Variants in FMN1 observed in about 807,000 individuals in gnomAD.
FMN1 encodes formin-1.
In FMN1, 110 loss-of-function variants were observed where a neutral mutation model predicts 132.4. The ratio of observed to expected loss-of-function variants is 0.83; its 90% CI spans 0.71 to 0.97. The LOEUF (loss-of-function observed/expected upper bound fraction) is 0.97, where lower values mean the gene tolerates loss of function less well. Ranked by LOEUF, FMN1 falls within the 50% of genes least tolerant of loss-of-function variation. FMN1 has a pLI of 0.00. For synonymous variants in FMN1, 722 were observed against 651.7 expected, an observed-to-expected ratio of 1.11 and a Z score of -1.64; for missense variants, 1,792 against 1,705.3, an observed-to-expected ratio of 1.05 and a Z score of -0.90.
intron 7 of FMN1, among the ~76,000 whole-genome samples, chr15:32,994,212 CCTCTCTCT>C (rs771176022): frequency 6.8e-6 from 1 of 146,504 alleles, no homozygotes; most frequent in South Asian, 2.2e-4. Flanking sequence ...AGAACTCATT[CCTCTCTCT>C]CTCTCTCTCT....
chr15:32,946,014 A>G (rs2061502777), intron 9 of FMN1, among the ~76,000 whole-genome samples: 2 of 152,222 alleles, frequency 1.3e-5, no homozygotes, highest in East Asian at 1.9e-4. Context: ...TGTAAGTGCC[A>G]TATTGCTTCC....
chr15:32,978,475 T>G (rs2032389409), intron 7 of FMN1, among the ~76,000 whole-genome samples: 1 of 152,196 alleles, frequency 6.6e-6, no homozygotes, highest in Non-Finnish European at 1.5e-5. Flanking sequence ...CAAAAAGTAG[T>G]TCTAAACCCA....
At chr15:32,960,407 G>C (rs1258364080) in intron 9 of FMN1, among the ~76,000 whole-genome samples, 2 of 152,100 alleles carry the variant, frequency 1.3e-5, no homozygotes, top group African/African-American at 2.4e-5. Context: ...TTTGGGTGGG[G>C]TCACAGAGCC....
intron 4 of FMN1, chr15:33,150,575 A>G (rs1374249825): frequency 1.0e-6 from 1 of 985,458 alleles, no homozygotes; most frequent in Non-Finnish European, 1.2e-6. Flanking sequence ...TCCTGCATGA[A>G]TGGTAATGTC....
intron 19 of FMN1, among the ~76,000 whole-genome samples, chr15:32,780,052 C>A (rs757770484): frequency 2.0e-5 from 3 of 152,202 alleles, no homozygotes; most frequent in Non-Finnish European, 4.4e-5. Context: ...TGTGACCCTG[C>A]ACAAGGGAAC....
intron 17 of FMN1, among the ~76,000 whole-genome samples, chr15:32,849,868 G>A (rs1329213290): frequency 6.6e-6 from 1 of 152,132 alleles, no homozygotes; most frequent in East Asian, 1.9e-4. Flanking sequence ...TGTTGGCCAG[G>A]CTGGTCTCAA....
chr15:32,823,581 A>AG (rs1221450850), intron 17 of FMN1, among the ~76,000 whole-genome samples: 1 of 151,010 alleles, frequency 6.6e-6, no homozygotes, highest in South Asian at 2.1e-4. Flanking sequence ...TTCAAAACTC[A>AG]AAGTTTTAAG....
intron 4 of FMN1, among the ~76,000 whole-genome samples, chr15:33,089,772 C>T (rs919695522): frequency 1.3e-5 from 2 of 152,114 alleles, no homozygotes; most frequent in Non-Finnish European, 2.9e-5. Context: ...AATAGAGGGC[C>T]GTGCTTTTAA....
chr15:32,941,099 C>G (rs1282775775), intron 9 of FMN1, among the ~76,000 whole-genome samples: 1 of 152,028 alleles, frequency 6.6e-6, no homozygotes, highest in Non-Finnish European at 1.5e-5. Context: ...CTGCAGGAAC[C>G]AATAATATGA....
At position 32,892,247 on chromosome 15, in the gene FMN1, TGA is replaced by T. The variant is rs2060049339; in HGVS notation, c.3715-3957_3715-3956del. The stretch of plus-strand genomic sequence containing the variant: ...TATGTCCCCTGTATGCAAATTTTGC[TGA>T]GAGTTTTAATCATAAAGGAATGCTG... On this transcript the variant is annotated intron_variant, in intron 15 of 20. Transcript: ENST00000616417. Among the ~76,000 whole-genome samples, 11 of 152,342 alleles carry T rather than the reference TGA, an allele frequency of 7.2e-5. No individual in the cohort carries two copies. In the South Asian group the frequency reaches 2.3e-3, roughly 32 times the overall value.
intron 17 of FMN1, among the ~76,000 whole-genome samples, chr15:32,832,017 T>C (rs2058514632): frequency 6.6e-6 from 1 of 152,294 alleles, no homozygotes; most frequent in Non-Finnish European, 1.5e-5. Flanking sequence ...CTCTGTTCTG[T>C]AGGTCAGCAC....
At chr15:33,095,430 G>T (rs928795729) in intron 4 of FMN1, among the ~76,000 whole-genome samples, 2 of 152,130 alleles carry the variant, frequency 1.3e-5, no homozygotes, top group Non-Finnish European at 2.9e-5. Flanking sequence ...GAGTCTCACT[G>T]TGTCACCCAG....
At chr15:32,915,165 A>G (rs879383234) in intron 10 of FMN1, among the ~76,000 whole-genome samples, 13 of 152,194 alleles carry the variant, frequency 8.5e-5, no homozygotes, top group Non-Finnish European at 1.3e-4. Flanking sequence ...TCTGAAAAAT[A>G]AAAAGGCCTA....
At chr15:33,039,738 T>C (rs906470501) in intron 6 of FMN1, among the ~76,000 whole-genome samples, 5 of 138,954 alleles carry the variant, frequency 3.6e-5, no homozygotes, top group African/African-American at 1.3e-4. Context: ...CAAGAATATC[T>C]ACTGATTTTT....
At chr15:33,155,715 C>T (rs1288658725) in intron 3 of FMN1, among the ~76,000 whole-genome samples, 1 of 151,842 alleles carries the variant, frequency 6.6e-6, no homozygotes, top group African/African-American at 2.4e-5. Context: ...TTCCTGTTGT[C>T]TATTCGAAGC....
chr15:32,919,876 C>T (rs111597990), intron 10 of FMN1, among the ~76,000 whole-genome samples: 6 of 152,260 alleles, frequency 3.9e-5, no homozygotes, highest in Non-Finnish European at 5.9e-5. Context: ...CAAGGTCCAG[C>T]GGGCATTCTC....
chr15:32,872,152 T>C (rs1368283393), intron 16 of FMN1, among the ~76,000 whole-genome samples: 1 of 152,184 alleles, frequency 6.6e-6, no homozygotes, highest in Non-Finnish European at 1.5e-5. Context: ...ACAGCAAACT[T>C]ACATCAAACA....
rs557166656 is a variant in FMN1 at position 32,952,271 on chromosome 15, C to T, written c.3138+11836G>A. Among the ~76,000 whole-genome samples the T allele has an allele frequency of 5.3e-5, 8 of 152,304 alleles. No homozygotes were observed. In the East Asian group the frequency reaches 1.5e-3, roughly 29 times the overall value. On this transcript the variant is annotated intron_variant, in intron 9 of 20. Coordinates refer to ENST00000616417, the MANE Select transcript of FMN1 (RefSeq NM_001277313.2). The stretch of plus-strand genomic sequence containing the variant: ...GTATGCTTTAGGCGTTTTACTGCTA[C>T]ATTCTGAATCACATTCTTCTCCAAG...
chr15:33,065,092 A>G lies in FMN1; in HGVS notation c.2044-18T>C. On this transcript the variant is annotated intron_variant, in intron 5 of 20. Coordinates refer to ENST00000616417, the MANE Select transcript of FMN1 (RefSeq NM_001277313.2). ...TGGTCAGGCTGTTGAAAGAGCAGGCAAATAGTAAGTGGAATGTAGTCAGAG... is the reference window on the plus strand; with the variant it reads ...TGGTCAGGCTGTTGAAAGAGCAGGCGAATAGTAAGTGGAATGTAGTCAGAG... The G allele has an allele frequency of 1.9e-6, 3 of 1,547,550 alleles. No individual in the cohort carries two copies. The highest frequency in any genetic ancestry group is 2.7e-6 in the Non-Finnish European group (3 of 1,126,606).
Sources: allele counts gnomAD v4.1 joint callset (sites outside exome capture counted in the v4.1 genomes callset), GRCh38; gene constraint gnomAD v4.1.1; transcripts MANE v1.5; gene names NCBI Gene and HGNC (gene_info 2026-07-23, HGNC 2026-07-21).